CYLC2: variants seen among roughly 807,000 people sequenced by gnomAD.
The protein encoded by CYLC2 is cylicin 2, also known as cylicin-2.
A neutral mutation model predicts 26.1 loss-of-function variants in CYLC2; 30 were observed. That is an observed-to-expected ratio of 1.15 (90% CI 0.86 to 1.56). The LOEUF is 1.56. CYLC2 is among the 40% of genes most tolerant of loss of function. The pLI is 0.00. For missense variants in CYLC2, 498 were observed against 394.4 expected (o/e 1.26, Z -2.23); for synonymous variants, 158 against 132.8 (o/e 1.19, Z -1.31).
intron 5 of CYLC2, among the ~76,000 whole-genome samples, chr9:103,009,766 A>G (rs911907620): frequency 6.6e-6 from 1 of 151,866 alleles, no homozygotes; most frequent in Non-Finnish European, 1.5e-5. Flanking sequence ...CTACCTCTAT[A>G]GTTTGTTTTA....
intron 1 of CYLC2, among the ~76,000 whole-genome samples, chr9:103,000,196 G>A (rs1252964794): frequency 6.6e-6 from 1 of 151,198 alleles, no homozygotes; most frequent in Non-Finnish European, 1.5e-5. Flanking sequence ...GATCTCTTTT[G>A]GACCACTGGT....
chr9:103,005,129 G>C lies in CYLC2; in HGVS notation c.498G>C (p.Lys166Asn), dbSNP rs1173273822. The change falls in exon 5 of 8, where the codon AAG becomes AAC. Residue 166 changes from lysine to asparagine, a missense_variant. Coordinates refer to ENST00000374798, the MANE Select transcript of CYLC2 (RefSeq NM_001340.5). Reference protein sequence around the residue: ...DAKKDSKKGKKDAEKGKDSAT... With the variant: ...DAKKDSKKGKNDAEKGKDSAT... ...AGAAAGATAGCAAAAAAGGTAAAAA[G>C]GATGCAGAGAAGGGCAAAGACTCAG... 3 of 1,608,314 alleles carry C rather than the reference G, an allele frequency of 1.9e-6. No individual in the cohort carries two copies. The Admixed American group carries it at 5.1e-5, about 27-fold the overall frequency.
rs755969012 is a variant in CYLC2, at chr9:103,005,466, A to G, written c.835A>G (p.Ser279Gly). 6.2e-7 allele frequency: 1 copy of G among 1,613,754 alleles called. No homozygotes were observed. Among genetic ancestry groups the G allele is most frequent in the Non-Finnish European group, 8.5e-7 (1 of 1,179,916 alleles). Residue 279 changes from serine (S) to glycine (G), a missense_variant, in exon 5 of 8, where the codon AGT becomes GGT. By Grantham distance (56) the Ser-to-Gly change is moderately conservative. Coordinates refer to ENST00000374798, the MANE Select transcript of CYLC2 (RefSeq NM_001340.5). The stretch of plus-strand genomic sequence containing the variant: ...TAAGAAAGATAAGAAGAAGCCCAGT[A>G]GTACAGACAGTGACTCAAAGGATGA... ...KGKKDKKKPS[S>G]TDSDSKDDVK...
chr9:103,008,480 A>G (rs529105569), intron 5 of CYLC2, among the ~76,000 whole-genome samples: 1 of 152,202 alleles, frequency 6.6e-6, no homozygotes, highest in Admixed American at 6.5e-5. Flanking sequence ...TCCCATATCC[A>G]AATACTTACT....
In CYLC2 at chr9:103,005,619, GATGCAAAGAAGA is replaced by G. The variant is rs774539013; in HGVS notation, c.1000_1011del (p.Asn334_Lys337del). 9.3e-6 allele frequency: 15 copies of G among 1,610,850 alleles called. No homozygotes were observed. In the East Asian group the frequency reaches 1.3e-4, roughly 14 times the overall value. ...AAATGCTAAGAAGGATGCAAAGAAG[GATGCAAAGAAGA>G]ATGCAAAGAAGGATGAAAAGAAGGA... is the stretch of plus-strand genomic sequence containing the variant. On this transcript the variant is annotated inframe_deletion, in exon 5 of 8. Transcript: ENST00000374798.
intron 6 of CYLC2, among the ~76,000 whole-genome samples, chr9:103,012,574 C>A (rs1255575693): frequency 6.6e-6 from 1 of 151,772 alleles, no homozygotes; most frequent in Non-Finnish European, 1.5e-5. Context: ...GAGCCCTAAT[C>A]CATAATAAAA....
intron 2 of CYLC2, 95 bp downstream of exon 2, chr9:103,001,713 T>C (rs1829291125): frequency 1.3e-6 from 1 of 759,042 alleles, no homozygotes; most frequent in Non-Finnish European, 2.2e-6. Flanking sequence ...AACATTGCCA[T>C]GGAATAAAAT....
At chr9:103,006,681 T>C (rs1035758263) in intron 5 of CYLC2, among the ~76,000 whole-genome samples, 2 of 152,120 alleles carry the variant, frequency 1.3e-5, no homozygotes, top group African/African-American at 4.8e-5. Flanking sequence ...CCCAAAGTGC[T>C]GGGATTACAG....
At chr9:103,010,658 T>C (rs1029678104) in intron 5 of CYLC2, 1 of 152,100 alleles carries the variant, frequency 6.6e-6, no homozygotes, top group Non-Finnish European at 1.5e-5. Flanking sequence ...CAAAAATGTA[T>C]AGTTATGTTA....
At chr9:103,013,417 T>G (rs2118264411) in intron 6 of CYLC2, among the ~76,000 whole-genome samples, 1 of 109,888 alleles carries the variant, frequency 9.1e-6, no homozygotes, top group African/African-American at 3.8e-5. Context: ...ATTTAATATA[T>G]TGTGTATCAT....
At chr9:103,017,991 C>G (rs7035058) in intron 7 of CYLC2, among the ~76,000 whole-genome samples, 101,130 of 151,706 alleles carry the variant, frequency 0.67, 33,987 homozygotes, top group South Asian at 0.82. Flanking sequence ...AAGGCCTTGT[C>G]TACCCAGTCA....
At position 103,006,017 on chromosome 9, in the gene CYLC2, GACACACACACACACACACACACACAC is replaced by G. The variant is rs201304746; in HGVS notation, c.*369_*394del. 3 of 120,048 alleles carry G rather than the reference GACACACACACACACACACACACACAC, an allele frequency of 2.5e-5. No homozygotes were observed. Among genetic ancestry groups the G allele is most frequent in the East Asian group, 2.3e-4 (1 of 4,404 alleles). 7.4% of individuals were successfully genotyped at this position (120,048 alleles called of 1,614,324 possible). On this transcript the variant is annotated 3_prime_UTR_variant, in exon 5 of 8. Transcript: ENST00000374798. Reference sequence around the variant, plus strand: ...TGAAGATAATGACACTAAATCTATGGACACACACACACACACACACACACACACACACACACACACACACACACACA... The same window carrying G: ...TGAAGATAATGACACTAAATCTATGGACACACACACACACACACACACACA...
At chr9:103,006,473 G>A (rs1043539254) in intron 5 of CYLC2, 95 bp downstream of exon 5, 1 of 151,842 alleles carries the variant, frequency 6.6e-6, no homozygotes, top group Non-Finnish European at 1.5e-5. Context: ...GAGGGCAGTG[G>A]CGCGATCTCG....
At chr9:103,013,536 T>C (rs1314077026) in intron 6 of CYLC2, among the ~76,000 whole-genome samples, 1 of 112,748 alleles carries the variant, frequency 8.9e-6, no homozygotes, top group African/African-American at 3.6e-5. Flanking sequence ...TAAGTATATA[T>C]TAAATTATAT....
intron 6 of CYLC2, among the ~76,000 whole-genome samples, chr9:103,012,395 G>A (rs1251606148): frequency 1.3e-5 from 2 of 151,976 alleles, no homozygotes. Context: ...AAATACACCA[G>A]ATAAAATAAT....
intron 6 of CYLC2, among the ~76,000 whole-genome samples, chr9:103,013,026 A>G (rs1013420075): frequency 1.3e-5 from 2 of 148,564 alleles, no homozygotes; most frequent in African/African-American, 2.5e-5. Flanking sequence ...TTTTATTGAT[A>G]GCAAGATTAA....
At chr9:103,014,662 A>G (rs1829472716) in intron 6 of CYLC2, among the ~76,000 whole-genome samples, 1 of 139,228 alleles carries the variant, frequency 7.2e-6, no homozygotes, top group African/African-American at 2.6e-5. Context: ...AGTATACACC[A>G]TATGTATATT....
At chr9:103,013,479 A>G (rs1829441402) in intron 6 of CYLC2, among the ~76,000 whole-genome samples, 1 of 106,724 alleles carries the variant, frequency 9.4e-6, no homozygotes, top group Non-Finnish European at 1.7e-5. Context: ...ATATAAATAT[A>G]TATTTAACAT....
chr9:103,003,264 G>C lies in CYLC2; in HGVS notation c.180+1G>C, dbSNP rs200239637. ...TCAAATACGGGACAACACGGTTTCT[G>C]TAAGCATTGGAAAGATTTTATAATT... On this transcript the variant is annotated splice_donor_variant, in intron 3 of 7. Transcript: ENST00000374798. LOFTEE classifies it high-confidence loss of function. 6.2e-7 allele frequency: 1 copy of C among 1,610,144 alleles called. No individual in the cohort carries two copies. The highest frequency in any genetic ancestry group is 1.1e-5 in the South Asian group (1 of 90,428).
Sources: gnomAD v4.1 joint callset for allele counts (sites outside exome capture counted in the v4.1 genomes callset) on GRCh38, gnomAD v4.1.1 for gene constraint, MANE v1.5 for transcripts, NCBI Gene and HGNC (gene_info 2026-07-23, HGNC 2026-07-21) for gene names.